Variants in ST6GAL1 observed in about 807,000 individuals in gnomAD.
The protein encoded by ST6GAL1 is ST6 beta-galactoside alpha-2,6-sialyltransferase 1, also known as beta-galactoside alpha-2,6-sialyltransferase 1.
A neutral mutation model predicts 38.0 loss-of-function variants in ST6GAL1; 20 were observed. The observed-to-expected ratio is 0.53, with a 90% confidence interval of 0.37 to 0.77. The LOEUF is 0.77. ST6GAL1 is among the 30% of genes least tolerant of loss of function. ST6GAL1 has a pLI of 0.00. For synonymous variants in ST6GAL1, 196 were observed against 188.2 expected (o/e 1.04, Z -0.34); for missense variants, 432 against 496.4 (o/e 0.87, Z 1.23).
chr3:186,950,575 G>A (rs943823862), intron 1 of ST6GAL1, among the ~76,000 whole-genome samples: 1 of 152,234 alleles, frequency 6.6e-6, no homozygotes, highest in African/African-American at 2.4e-5. Flanking sequence ...AGGTCATGTG[G>A]ATGGAGGGGC....
chr3:187,029,792 A>G (rs929681750), intron 2 of ST6GAL1, among the ~76,000 whole-genome samples: 2 of 152,194 alleles, frequency 1.3e-5, no homozygotes, highest in African/African-American at 4.8e-5. Context: ...AAAGAGGGCA[A>G]AGGACTCATT....
chr3:186,941,795 G>GA (rs563159265), intron 1 of ST6GAL1, among the ~76,000 whole-genome samples: 55 of 152,230 alleles, frequency 3.6e-4, no homozygotes, highest in Middle Eastern at 6.8e-3. Context: ...GGCGGATCAT[G>GA]AGGTCAGGAG....
At chr3:187,061,576 G>A (rs1005487253) in intron 5 of ST6GAL1, among the ~76,000 whole-genome samples, 3 of 152,192 alleles carry the variant, frequency 2.0e-5, no homozygotes, top group Non-Finnish European at 4.4e-5. Context: ...GTATATATGT[G>A]TAAATGATTT....
chr3:186,958,053 A>T (rs1714805162), intron 1 of ST6GAL1, among the ~76,000 whole-genome samples: 2 of 117,454 alleles, frequency 1.7e-5, no homozygotes, highest in South Asian at 2.6e-4. Context: ...TTAAGAATTA[A>T]AAAAAAAAAA....
chr3:187,011,017 C>G (rs1716939739), intron 2 of ST6GAL1, among the ~76,000 whole-genome samples: 1 of 152,206 alleles, frequency 6.6e-6, no homozygotes, highest in Non-Finnish European at 1.5e-5. Flanking sequence ...GCTAAATAAA[C>G]AGACTCTTAA....
chr3:187,012,291 T>C (rs1416706703), intron 2 of ST6GAL1, among the ~76,000 whole-genome samples: 1 of 151,944 alleles, frequency 6.6e-6, no homozygotes, highest in Non-Finnish European at 1.5e-5. Flanking sequence ...AGGGTCCTGC[T>C]CTGTCTCCCA....
rs545898619 is a variant in ST6GAL1 at position 187,048,081 on chromosome 3, T to C, written c.608-3168T>C. 5.7e-4 allele frequency among the ~76,000 whole-genome samples: 86 copies of C among 152,202 alleles called. No individual in the cohort carries two copies. The Middle Eastern group carries it at 0.01, about 18-fold the overall frequency. On this transcript the variant is annotated intron_variant, in intron 4 of 7. Coordinates refer to ENST00000169298, the MANE Select transcript of ST6GAL1 (RefSeq NM_173216.2). ...CCTCAGCCTCCCGAGTAGCTGGGAT[T>C]ACAGGCGCCTGCCACCATACTCGGC...
chr3:186,995,514 AAT>A (rs751456723), intron 2 of ST6GAL1, among the ~76,000 whole-genome samples: 2,984 of 30,352 alleles, frequency 0.098, 168 homozygotes, highest in African/African-American at 0.12. Flanking sequence ...TCAAAAAAAA[AAT>A]AATAATAAAA....
chr3:187,006,481 G>C (rs1383771346), intron 2 of ST6GAL1: 3 of 152,186 alleles, frequency 2.0e-5, no homozygotes, highest in Non-Finnish European at 4.4e-5. Context: ...CCTGCATAGG[G>C]TTCTCTCATC....
At chr3:187,050,560 G>C (rs4686452) in intron 4 of ST6GAL1, among the ~76,000 whole-genome samples, 68 of 149,672 alleles carry the variant, frequency 4.5e-4, no homozygotes, top group South Asian at 1.5e-3. Flanking sequence ...GAGAGAGAGA[G>C]GGAGGGAGGG....
chr3:187,007,984 C>CA (rs59254550), intron 2 of ST6GAL1, among the ~76,000 whole-genome samples: 6 of 151,526 alleles, frequency 4.0e-5, no homozygotes, highest in South Asian at 2.1e-4. Context: ...CATTATGAAA[C>CA]AAAAAAAAAT....
At chr3:186,999,678 G>A (rs1716549102) in intron 2 of ST6GAL1, among the ~76,000 whole-genome samples, 2 of 151,938 alleles carry the variant, frequency 1.3e-5, no homozygotes, top group Admixed American at 6.6e-5. Context: ...TAAAGCACTG[G>A]GATTACAGTC....
chr3:187,001,221 C>T (rs967980954), intron 2 of ST6GAL1, among the ~76,000 whole-genome samples: 4 of 152,158 alleles, frequency 2.6e-5, no homozygotes, highest in African/African-American at 9.7e-5. Context: ...GTCCACAGCC[C>T]GAGGAAAGGG....
intron 5 of ST6GAL1, among the ~76,000 whole-genome samples, chr3:187,071,346 C>G (rs1339307681): frequency 6.6e-6 from 1 of 152,156 alleles, no homozygotes; most frequent in Non-Finnish European, 1.5e-5. Context: ...CATTCTTAAG[C>G]CTTTGGGGCT....
At chr3:187,006,350 C>G (rs1716787672) in intron 2 of ST6GAL1, 1 of 152,218 alleles carries the variant, frequency 6.6e-6, no homozygotes, top group Admixed American at 6.5e-5. Flanking sequence ...CTTCTCAGAT[C>G]TACACAGAAC....
chr3:187,030,067 A>G (rs969576166), intron 2 of ST6GAL1, among the ~76,000 whole-genome samples: 1 of 152,214 alleles, frequency 6.6e-6, no homozygotes, highest in Non-Finnish European at 1.5e-5. Flanking sequence ...ACTGGGGTAG[A>G]GGAGATCAAA....
rs373029359 is a variant in ST6GAL1 at position 186,938,358 on chromosome 3, C to T, written c.-325+7524C>T. Among the ~76,000 whole-genome samples the T allele has an allele frequency of 8.5e-5, 13 of 152,332 alleles. 1 individual carries two copies. The highest frequency in any genetic ancestry group is 3.1e-4 in the African/African-American group (13 of 41,582). ...GACTTGGACAAGCTACTTAAGCTTA[C>T]TAAGCTTCAATTTCCTTCTCTGTAA... On this transcript the variant is annotated intron_variant, in intron 1 of 7. Transcript: ENST00000169298.
intron 1 of ST6GAL1, among the ~76,000 whole-genome samples, chr3:186,934,360 A>T (rs1300827936): frequency 6.6e-6 from 1 of 152,132 alleles, no homozygotes; most frequent in Non-Finnish European, 1.5e-5. Context: ...CCTGAGCAAC[A>T]TAGTGAGACT....
intron 1 of ST6GAL1, among the ~76,000 whole-genome samples, chr3:186,961,124 C>A (rs150917627): frequency 6.6e-6 from 1 of 152,058 alleles, no homozygotes; most frequent in Non-Finnish European, 1.5e-5. Flanking sequence ...TACAGGTGCA[C>A]GCCACCATGC....
Sources: gnomAD v4.1 joint callset for allele counts (sites outside exome capture counted in the v4.1 genomes callset) on GRCh38, gnomAD v4.1.1 for gene constraint, MANE v1.5 for transcripts, NCBI Gene and HGNC (gene_info 2026-07-23, HGNC 2026-07-21) for gene names.